The following AFF2 variants were observed in gnomAD, a reference collection of about 807,000 sequenced individuals.
AFF2 encodes the protein ALF transcription elongation factor 2.
AFF2 carries 14 observed loss-of-function variants against 76.9 expected under a neutral mutation model. That is an observed-to-expected ratio of 0.18 (90% CI 0.12 to 0.28). The LOEUF (loss-of-function observed/expected upper bound fraction) is 0.28. Ranked by LOEUF, AFF2 falls within the 10% of genes least tolerant of loss-of-function variation. The pLI, the probability that AFF2 is intolerant of heterozygous loss-of-function variation, is 1.00. For synonymous variants in AFF2, 398 were observed against 366.7 expected, an observed-to-expected ratio of 1.09 and a Z score of -0.98; for missense variants, 868 against 1,001.1, an observed-to-expected ratio of 0.87 and a Z score of 1.79.
At chrX:148,939,456 ACATTT>A (rs1351268532) in intron 9 of AFF2, among the ~76,000 whole-genome samples, 19 of 112,053 alleles carry the variant, frequency 1.7e-4, no homozygotes, top group African/African-American at 5.5e-4. Context: ...TGGAAATGTT[ACATTT>A]GACTCTCATA....
At chrX:148,819,252 A>G (rs1411747877) in intron 4 of AFF2, among the ~76,000 whole-genome samples, 4 of 111,190 alleles carry the variant, frequency 3.6e-5, no homozygotes, top group Non-Finnish European at 7.6e-5. Context: ...TAATAATTAT[A>G]TACAGATTTT....
chrX:148,802,428 A>G (rs1464022702), intron 3 of AFF2, among the ~76,000 whole-genome samples: 1 of 112,243 alleles, frequency 8.9e-6, no homozygotes, highest in Non-Finnish European at 1.9e-5. Flanking sequence ...GGATGTTATA[A>G]TGTTCTTTTA....
intron 3 of AFF2, among the ~76,000 whole-genome samples, chrX:148,671,951 A>G (rs782016255): frequency 8.9e-6 from 1 of 111,822 alleles, no homozygotes; most frequent in Admixed American, 9.5e-5. Context: ...GTATGCAGTA[A>G]AATGGTAAGC....
chrX:148,899,541 T>C (rs1324721468), intron 8 of AFF2, among the ~76,000 whole-genome samples: 1 of 112,229 alleles, frequency 8.9e-6, no homozygotes, highest in Non-Finnish European at 1.9e-5. Context: ...TTAATTGTTT[T>C]TCTGTCTTTT....
intron 4 of AFF2, among the ~76,000 whole-genome samples, chrX:148,815,864 A>C (rs1328041334): frequency 9.0e-6 from 1 of 111,676 alleles, no homozygotes; most frequent in African/African-American, 3.2e-5. Context: ...GAGTAAATTT[A>C]TCAGTTCCTG....
intron 3 of AFF2, among the ~76,000 whole-genome samples, chrX:148,714,744 C>G (rs1162350824): frequency 8.9e-6 from 1 of 111,998 alleles, no homozygotes; most frequent in African/African-American, 3.2e-5. Context: ...GGAGCTTCCT[C>G]TGTCTCATTC....
rs1417566159 is a variant in AFF2, at chrX:148,636,748, GA to G, written c.48-15245del. 2.7e-5 allele frequency among the ~76,000 whole-genome samples: 3 copies of G among 111,038 alleles called. No homozygotes were observed. In the East Asian group the frequency reaches 8.5e-4, roughly 31 times the overall value. The stretch of plus-strand genomic sequence containing the variant: ...GTGTGAAATGTGTGTGAAACAGGTA[GA>G]AAAAACTCCTGGTGGCTTATGTGAA... On this transcript the variant is annotated intron_variant, in intron 1 of 20. Transcript: ENST00000370460.
intron 3 of AFF2, among the ~76,000 whole-genome samples, chrX:148,750,734 G>A (rs1294476313): frequency 8.9e-6 from 1 of 111,939 alleles, no homozygotes; most frequent in Non-Finnish European, 1.9e-5. Context: ...AATATTTATA[G>A]GGTTAAATAG....
At chrX:148,654,037 A>G (rs193183407) in intron 2 of AFF2, among the ~76,000 whole-genome samples, 250 of 111,229 alleles carry the variant, frequency 2.2e-3, no homozygotes, top group Admixed American at 4.2e-3. Flanking sequence ...GAGAATGCCT[A>G]CCATCACTGA....
chrX:148,932,771 G>A (rs1447308578), intron 9 of AFF2, among the ~76,000 whole-genome samples: 1 of 111,926 alleles, frequency 8.9e-6, no homozygotes, highest in African/African-American at 3.2e-5. Context: ...AAACCATCAA[G>A]CTTACCATAA....
intron 12 of AFF2, among the ~76,000 whole-genome samples, chrX:148,961,545 T>C (rs1557288013): frequency 2.7e-5 from 3 of 112,376 alleles, no homozygotes; most frequent in Non-Finnish European, 5.6e-5. Context: ...GCCACATTTA[T>C]GAAACAAAAG....
intron 3 of AFF2, among the ~76,000 whole-genome samples, chrX:148,763,391 G>A (rs2069475134): frequency 9.0e-6 from 1 of 111,300 alleles, no homozygotes; most frequent in Non-Finnish European, 1.9e-5. Flanking sequence ...TTAGTTTTGG[G>A]ATGCTATATT....
intron 1 of AFF2, among the ~76,000 whole-genome samples, chrX:148,634,852 C>T (rs1344433315): frequency 8.9e-6 from 1 of 111,747 alleles, no homozygotes; most frequent in African/African-American, 3.3e-5. Context: ...CCTTCAGGCT[C>T]TTCCCTTCCT....
chrX:148,670,233 C>T (rs958952462), intron 3 of AFF2, among the ~76,000 whole-genome samples: 18 of 111,190 alleles, frequency 1.6e-4, no homozygotes, highest in African/African-American at 5.2e-4. Flanking sequence ...GGAAGGGTGT[C>T]CTGAGGAGGG....
At chrX:148,879,326 C>T (rs1277967430) in intron 7 of AFF2, among the ~76,000 whole-genome samples, 5 of 111,437 alleles carry the variant, frequency 4.5e-5, no homozygotes, top group African/African-American at 9.8e-5. Flanking sequence ...CTTATTAAAT[C>T]CTATGCAATA....
At chrX:148,833,929 C>A (rs2070487747) in intron 4 of AFF2, among the ~76,000 whole-genome samples, 1 of 112,073 alleles carries the variant, frequency 8.9e-6, no homozygotes. Flanking sequence ...ATTAGCAAAG[C>A]CTGGAACACA....
At chrX:148,518,358 G>A (rs1245600672) in intron 1 of AFF2, among the ~76,000 whole-genome samples, 2 of 112,002 alleles carry the variant, frequency 1.8e-5, no homozygotes, top group African/African-American at 3.2e-5. Flanking sequence ...TTACTTGGGC[G>A]GTGGTCTCTA....
intron 3 of AFF2, among the ~76,000 whole-genome samples, chrX:148,683,768 A>G (rs140850235): frequency 2.7e-3 from 304 of 111,861 alleles, no homozygotes; most frequent in African/African-American, 9.3e-3. Context: ...TGCTTTGCCC[A>G]TTCCTGGTCA....
At chrX:148,623,135 G>C (rs1458708081) in intron 1 of AFF2, among the ~76,000 whole-genome samples, 2 of 111,437 alleles carry the variant, frequency 1.8e-5, no homozygotes, top group Non-Finnish European at 3.8e-5. Context: ...ATAATATAAA[G>C]AAATCCACAT....
Sources: allele counts gnomAD v4.1 joint callset (sites outside exome capture counted in the v4.1 genomes callset), GRCh38; gene constraint gnomAD v4.1.1; transcripts MANE v1.5; gene names NCBI Gene and HGNC (gene_info 2026-07-23, HGNC 2026-07-21).